PPP2R2C: variants seen among roughly 807,000 people sequenced by gnomAD.
PPP2R2C encodes protein phosphatase 2 regulatory subunit Bgamma, also known as protein phosphatase 2, regulatory subunit B, gamma.
A neutral mutation model predicts 45.3 loss-of-function variants in PPP2R2C; 10 were observed. The observed-to-expected ratio is 0.22, with a 90% CI of 0.14 to 0.37. The LOEUF (loss-of-function observed/expected upper bound fraction) is 0.37, where lower values mean the gene tolerates loss of function less well. PPP2R2C is among the 10% of genes least tolerant of loss of function. PPP2R2C has a pLI of 1.00. For missense variants in PPP2R2C, 308 were observed against 619.7 expected, an observed-to-expected ratio of 0.50 and a Z score of 5.34; for synonymous variants, 257 against 245.4, an observed-to-expected ratio of 1.05 and a Z score of -0.44.
intron 1 of PPP2R2C, among the ~76,000 whole-genome samples, chr4:6,466,290 C>T (rs1182939233): frequency 1.4e-4 from 22 of 152,194 alleles, no homozygotes; most frequent in Admixed American, 1.4e-3. Context: ...TCAGATTTCG[C>T]TTACAAAACA....
At chr4:6,432,011 A>G (rs545483782) in intron 1 of PPP2R2C, among the ~76,000 whole-genome samples, 6 of 152,276 alleles carry the variant, frequency 3.9e-5, no homozygotes, top group African/African-American at 1.4e-4. Context: ...GATCCCATAA[A>G]TGAGGGCTCC....
chr4:6,511,288 ATGCTGATGG>A (rs1723451693), intron 2 of PPP2R2C, among the ~76,000 whole-genome samples: 1 of 147,448 alleles, frequency 6.8e-6, no homozygotes, highest in South Asian at 2.1e-4. Context: ...GCTGATGCTG[ATGCTGATGG>A]TGGTGGTGAT....
chr4:6,415,426 T>A (rs1338990266), intron 1 of PPP2R2C, among the ~76,000 whole-genome samples: 1 of 152,242 alleles, frequency 6.6e-6, no homozygotes, highest in Admixed American at 6.5e-5. Context: ...GGCTCAAGCA[T>A]GTCTGGGTCA....
In PPP2R2C at chr4:6,368,820, CCACCCACGACACA is replaced by C. The variant is rs1376636978; in HGVS notation, c.625+3690_625+3702del. ...CCAGCCTTGTCTGCTGGAATCCAAT[CCACCCACGACACA>C]CACCCACGACATACACACCTCCAAA... On this transcript the variant is annotated intron_variant, in intron 5 of 8. Transcript: ENST00000382599. This position sits in a 1 kb window ranked among gnomAD's most constrained non-coding sequence, Gnocchi z 4.2. Among the ~76,000 whole-genome samples the C allele has an allele frequency of 3.9e-5, 6 of 152,198 alleles. No individual in the cohort carries two copies. The South Asian group carries it at 6.2e-4, about 16-fold the overall frequency.
At chr4:6,551,781 A>T (rs1725193659) in intron 1 of PPP2R2C, among the ~76,000 whole-genome samples, 2 of 152,184 alleles carry the variant, frequency 1.3e-5, no homozygotes, top group African/African-American at 4.8e-5. Flanking sequence ...ACTGTGGGCC[A>T]CCCAGCCCAG....
In PPP2R2C at chr4:6,518,795, C is replaced by A. The variant is rs112864134; in HGVS notation, c.49+16476G>T. Among the ~76,000 whole-genome samples, 465 of 151,760 alleles carry A rather than the reference C, an allele frequency of 3.1e-3. 2 individuals carry two copies. Among genetic ancestry groups the A allele is most frequent in the African/African-American group, 0.011 (451 of 41,354 alleles). ...AAAATTACCCAGGCATAGTGGCACA[C>A]GCCTGTAGTCCCAACTACCCAAGAG... On this transcript the variant is annotated intron_variant, in intron 2 of 9. Transcript: ENST00000506140.
chr4:6,337,112 GTATATATATATATATATATATA>G lies in PPP2R2C; in HGVS notation c.791-3403_791-3382del, dbSNP rs61657951. Among the ~76,000 whole-genome samples, 106 of 30,120 alleles carry G rather than the reference GTATATATATATATATATATATA, an allele frequency of 3.5e-3. 2 individuals carry two copies. Among genetic ancestry groups the G allele is most frequent in the African/African-American group, 5.6e-3 (55 of 9,746 alleles). The allele number at this position is 30,120 out of a possible 152,430, so 19.8% of individuals were successfully genotyped here. ...CATCTTTGTTTCTGTATGTGTGTGT[GTATATATATATATATATATATA>G]TATATATATATATATATATATATAT... On this transcript the variant is annotated intron_variant, in intron 6 of 8. Transcript: ENST00000382599.
chr4:6,373,900 C>CGTGTGTGTGTGTGTGT (rs1560492609), intron 4 of PPP2R2C, among the ~76,000 whole-genome samples: 4 of 123,798 alleles, frequency 3.2e-5, no homozygotes, highest in African/African-American at 1.0e-4. Context: ...TATGTGCATG[C>CGTGTGTGTGTGTGTGT]ATGTGTGTGT....
chr4:6,367,134 C>T (rs1162052950), intron 5 of PPP2R2C, among the ~76,000 whole-genome samples: 1 of 152,026 alleles, frequency 6.6e-6, no homozygotes, highest in Non-Finnish European at 1.5e-5. Context: ...CTCAGTATCA[C>T]CAGGCTCCCT....
At chr4:6,381,362 C>A in intron 1 of PPP2R2C, 1 of 1,495,182 alleles carries the variant, frequency 6.7e-7, no homozygotes, top group Non-Finnish European at 8.9e-7. Flanking sequence ...GGCTGGCAGA[C>A]TTTATAGTAA....
In PPP2R2C at chr4:6,536,015, G is replaced by A. The variant is rs546707676; in HGVS notation, c.-58-638C>T. ...CTGCCTTTATCACAGTGTTAGTCCC[G>A]CACCACCCCCACCCCTGACAGCTTC... is the stretch of plus-strand genomic sequence containing the variant. On this transcript the variant is annotated intron_variant, in intron 1 of 9. Coordinates refer to the PPP2R2C transcript ENST00000506140. Among the ~76,000 whole-genome samples, 9 of 152,182 alleles carry A rather than the reference G, an allele frequency of 5.9e-5. No individual in the cohort carries two copies. The South Asian group carries it at 1.5e-3, about 25-fold the overall frequency.
intron 1 of PPP2R2C, among the ~76,000 whole-genome samples, chr4:6,470,858 C>A (rs1277246943): frequency 6.6e-6 from 1 of 151,992 alleles, no homozygotes; most frequent in Non-Finnish European, 1.5e-5. Flanking sequence ...CGTGACTCAG[C>A]GGTTCTCCCG....
chr4:6,346,874 G>A (rs1275452198), intron 6 of PPP2R2C, among the ~76,000 whole-genome samples: 1 of 152,204 alleles, frequency 6.6e-6, no homozygotes, highest in East Asian at 1.9e-4. Flanking sequence ...TATTCAACAA[G>A]TGTTTATTTC....
intron 1 of PPP2R2C, among the ~76,000 whole-genome samples, chr4:6,557,769 G>C (rs937923783): frequency 1.3e-5 from 2 of 152,174 alleles, no homozygotes; most frequent in East Asian, 3.8e-4. Context: ...TGGGGTAGTA[G>C]AGATGAAGAA....
At chr4:6,464,064 T>C (rs7664714) in intron 1 of PPP2R2C, among the ~76,000 whole-genome samples, 87,948 of 152,010 alleles carry the variant, frequency 0.58, 26,744 homozygotes, top group East Asian at 0.72. Flanking sequence ...CCTTACAAAC[T>C]ATGTGACATT....
At chr4:6,408,474 C>G (rs891765566) in intron 1 of PPP2R2C, among the ~76,000 whole-genome samples, 1 of 152,198 alleles carries the variant, frequency 6.6e-6, no homozygotes, top group African/African-American at 2.4e-5. Context: ...AGCCAATCAT[C>G]TTTCTCTCCC....
intron 1 of PPP2R2C, among the ~76,000 whole-genome samples, chr4:6,406,222 TCCAAAGGGATCTAAACCTCAG>T (rs1450853165): frequency 2.6e-5 from 4 of 152,172 alleles, no homozygotes; most frequent in African/African-American, 9.7e-5. Context: ...TTGACTCCCC[TCCAAAGGGATCTAAACCTCAG>T]CCAAAGGGAT....
chr4:6,457,791 T>C (rs893188178), intron 1 of PPP2R2C, among the ~76,000 whole-genome samples: 2 of 152,178 alleles, frequency 1.3e-5, no homozygotes, highest in Admixed American at 1.3e-4. Context: ...ATGGAGAGAG[T>C]TTGCACAGTG....
chr4:6,457,538 A>AT (rs900515652), intron 1 of PPP2R2C, among the ~76,000 whole-genome samples: 24 of 151,132 alleles, frequency 1.6e-4, no homozygotes, highest in African/African-American at 1.7e-4. Flanking sequence ...TCCTTGGCTA[A>AT]TTTTTTTTTA....
Sources: allele counts gnomAD v4.1 joint callset (sites outside exome capture counted in the v4.1 genomes callset), GRCh38; gene constraint gnomAD v4.1.1; non-coding constraint Gnocchi (gnomAD v3.1); transcripts MANE v1.5; gene names NCBI Gene and HGNC (gene_info 2026-07-23, HGNC 2026-07-21).